Variants in DLG2 observed in about 807,000 individuals in gnomAD.
DLG2 encodes disks large homolog 2.
DLG2 carries 45 observed loss-of-function variants against 132.5 expected under a neutral mutation model. The ratio of observed to expected loss-of-function variants is 0.34; its 90% confidence interval spans 0.27 to 0.44. DLG2 has a LOEUF of 0.44. DLG2 is among the 20% of genes least tolerant of loss of function. DLG2 has a pLI of 1.00. For missense variants in DLG2, 1,045 were observed against 1,196.9 expected (o/e 0.87, Z 1.87); for synonymous variants, 424 against 419.6 (o/e 1.01, Z -0.13).
At chr11:83,728,017 C>A (rs1373460139) in intron 18 of DLG2, among the ~76,000 whole-genome samples, 1 of 152,166 alleles carries the variant, frequency 6.6e-6, no homozygotes, top group African/African-American at 2.4e-5. Context: ...GTGATATGAA[C>A]TAGAATCTTC....
At chr11:85,249,914 T>C (rs1035431118) in intron 4 of DLG2, among the ~76,000 whole-genome samples, 14 of 152,150 alleles carry the variant, frequency 9.2e-5, no homozygotes, top group Admixed American at 9.2e-4. Flanking sequence ...GGAGAATTTA[T>C]GTCGACATTT....
At chr11:83,484,842 C>T (rs1026469515) in intron 21 of DLG2, among the ~76,000 whole-genome samples, 3 of 152,086 alleles carry the variant, frequency 2.0e-5, no homozygotes, top group African/African-American at 7.2e-5. Flanking sequence ...TAATTACAGA[C>T]TGACACATGA....
intron 6 of DLG2, among the ~76,000 whole-genome samples, chr11:84,659,976 A>G (rs1438359334): frequency 6.6e-6 from 1 of 152,142 alleles, no homozygotes; most frequent in African/African-American, 2.4e-5. Context: ...TCATGAGCAC[A>G]TTACTCTCCT....
chr11:83,515,980 G>A (rs2140189360), intron 21 of DLG2, among the ~76,000 whole-genome samples: 1 of 152,304 alleles, frequency 6.6e-6, no homozygotes, highest in Middle Eastern at 3.4e-3. Context: ...GTGGTGTGGT[G>A]CTGAAAAGAA....
At chr11:85,258,493 G>A (rs2076778336) in intron 4 of DLG2, among the ~76,000 whole-genome samples, 1 of 152,130 alleles carries the variant, frequency 6.6e-6, no homozygotes. Flanking sequence ...ACTTTCCTAT[G>A]AGAATACAAA....
At chr11:84,782,789 CT>C (rs2153912709) in intron 6 of DLG2, among the ~76,000 whole-genome samples, 1 of 152,272 alleles carries the variant, frequency 6.6e-6, no homozygotes, top group South Asian at 2.1e-4. Flanking sequence ...TATGAATACA[CT>C]TACAGTCCTA....
chr11:83,916,142 C>T (rs1168921371), intron 15 of DLG2, among the ~76,000 whole-genome samples: 1 of 152,128 alleles, frequency 6.6e-6, no homozygotes, highest in Non-Finnish European at 1.5e-5. Context: ...TTTATCCATT[C>T]ATCAGCTGAT....
chr11:83,791,373 G>T, intron 17 of DLG2: 1 of 679,874 alleles, frequency 1.5e-6, no homozygotes, highest in South Asian at 1.6e-5. Flanking sequence ...TTTTTGATCT[G>T]TCTTTTTTTT....
At chr11:85,188,040 T>G (rs2080251802) in intron 4 of DLG2, among the ~76,000 whole-genome samples, 1 of 152,128 alleles carries the variant, frequency 6.6e-6, no homozygotes, top group Non-Finnish European at 1.5e-5. Flanking sequence ...GGCCTTAGTC[T>G]CTCTATGTGT....
intron 19 of DLG2, among the ~76,000 whole-genome samples, chr11:83,563,107 T>G (rs554808472): frequency 6.6e-5 from 10 of 151,832 alleles, no homozygotes; most frequent in African/African-American, 2.4e-4. Context: ...CCCAAGTAGC[T>G]GGGACTACAG....
chr11:83,532,589 C>T (rs1348032017), intron 21 of DLG2, 119 bp downstream of exon 21: 1 of 766,136 alleles, frequency 1.3e-6, no homozygotes, highest in South Asian at 1.6e-5. Context: ...ATATTTATAA[C>T]AGTGCTCTAC....
At chr11:83,895,201 C>T (rs2071275857) in intron 15 of DLG2, among the ~76,000 whole-genome samples, 1 of 138,936 alleles carries the variant, frequency 7.2e-6, no homozygotes. Context: ...GCCCAGGTTG[C>T]CAGGCTGGAG....
At chr11:84,265,207 T>C (rs12289597) in intron 7 of DLG2, among the ~76,000 whole-genome samples, 2,579 of 152,292 alleles carry the variant, frequency 0.017, 71 homozygotes, top group African/African-American at 0.058. Context: ...GAGGACATTA[T>C]GCAATTTGTA....
intron 7 of DLG2, among the ~76,000 whole-genome samples, chr11:84,328,143 T>C (rs1207749940): frequency 2.6e-5 from 4 of 152,142 alleles, no homozygotes; most frequent in Non-Finnish European, 2.9e-5. Context: ...GTGCTATCCC[T>C]TGCCCACTGC....
intron 6 of DLG2, among the ~76,000 whole-genome samples, chr11:84,605,562 G>C (rs1383574191): frequency 1.4e-5 from 2 of 146,820 alleles, no homozygotes; most frequent in African/African-American, 5.0e-5. Flanking sequence ...ATTTATGAGG[G>C]ACAATCTGTA....
At position 85,627,336 on chromosome 11, in the gene DLG2, G is replaced by C. The variant is rs1565783001; in HGVS notation, c.-378C>G. 1 of 151,928 alleles carries C rather than the reference G, an allele frequency of 6.6e-6. No homozygotes were observed. Among genetic ancestry groups the C allele is most frequent in the Admixed American group, 6.6e-5 (1 of 15,244 alleles). 9.4% of individuals were successfully genotyped at this position (151,928 alleles called of 1,614,324 possible). A position where few individuals can be genotyped will look rare whatever the true frequency, so the allele number is the denominator to read the frequency against. Reference sequence around the variant, plus strand: ...ATTCTGATCCTCCCATGTATTAACCGAGAGGATTGAAAAAAAAGGAAAGCA... The same window carrying C: ...ATTCTGATCCTCCCATGTATTAACCCAGAGGATTGAAAAAAAAGGAAAGCA... On this transcript the variant is annotated 5_prime_UTR_variant, in exon 1 of 28. Coordinates refer to ENST00000376104, the MANE Select transcript of DLG2 (RefSeq NM_001142699.3).
At chr11:85,472,199 C>T (rs1479148531) in intron 3 of DLG2, among the ~76,000 whole-genome samples, 1 of 152,192 alleles carries the variant, frequency 6.6e-6, no homozygotes, top group Admixed American at 6.5e-5. Context: ...ACACACTCCC[C>T]ATTCTGAGCC....
intron 18 of DLG2, among the ~76,000 whole-genome samples, chr11:83,737,266 T>C (rs1326168087): frequency 6.6e-6 from 1 of 152,244 alleles, no homozygotes; most frequent in Non-Finnish European, 1.5e-5. Context: ...AGATGAATTA[T>C]TTTTAGAATT....
intron 3 of DLG2, among the ~76,000 whole-genome samples, chr11:85,366,561 A>G (rs1162312484): frequency 1.3e-5 from 2 of 152,278 alleles, no homozygotes; most frequent in East Asian, 3.9e-4. Context: ...TTAAAAACCA[A>G]TATTTTTTGT....
Sources: allele counts gnomAD v4.1 joint callset (sites outside exome capture counted in the v4.1 genomes callset), GRCh38; gene constraint gnomAD v4.1.1; transcripts MANE v1.5; gene names NCBI Gene and HGNC (gene_info 2026-07-23, HGNC 2026-07-21).